The following SH3GL2 variants were observed in gnomAD, a reference collection of about 807,000 sequenced individuals.
SH3GL2 encodes endophilin-A1.
A neutral mutation model predicts 46.0 loss-of-function variants in SH3GL2; 24 were observed. The ratio of observed to expected loss-of-function variants is 0.52; its 90% CI spans 0.38 to 0.73. The LOEUF (loss-of-function observed/expected upper bound fraction) is 0.73, where lower values mean the gene tolerates loss of function less well. Among genes scored for constraint, SH3GL2 ranks in the 30% least tolerant of loss-of-function variants. The pLI is 0.00. For synonymous variants in SH3GL2, 196 were observed against 147.1 expected, an observed-to-expected ratio of 1.33 and a Z score of -2.40; for missense variants, 413 against 424.2, an observed-to-expected ratio of 0.97 and a Z score of 0.23.
chr9:17,794,051 A>C (rs1003573807), intron 8 of SH3GL2, among the ~76,000 whole-genome samples: 2 of 152,222 alleles, frequency 1.3e-5, no homozygotes, highest in African/African-American at 4.8e-5. Flanking sequence ...TTTCCTTCCC[A>C]TGCCTCACCT....
intron 1 of SH3GL2, among the ~76,000 whole-genome samples, chr9:17,744,550 A>G (rs1822625654): frequency 6.6e-6 from 1 of 151,960 alleles, no homozygotes; most frequent in Admixed American, 6.6e-5. Context: ...TTATTTTTGT[A>G]GAGACAGAGT....
chr9:17,784,074 A>G (rs560187283), intron 3 of SH3GL2, among the ~76,000 whole-genome samples: 1 of 152,300 alleles, frequency 6.6e-6, no homozygotes, highest in South Asian at 2.1e-4. Flanking sequence ...TATGTAATAA[A>G]TTTGTGAATG....
rs541592833 is a variant in SH3GL2 at position 17,646,842 on chromosome 9, G to A, written c.45+67555G>A. ...CTGGGAGATGTCTCCCCATCAGGAG[G>A]CACAGGGGTCAGGGACCCCACTTGA... On this transcript the variant is annotated intron_variant, in intron 1 of 8. Coordinates refer to ENST00000380607, the MANE Select transcript of SH3GL2 (RefSeq NM_003026.5). Among the ~76,000 whole-genome samples, 292 of 152,304 alleles carry A rather than the reference G, an allele frequency of 1.9e-3. 1 individual carries two copies. Among genetic ancestry groups the A allele is most frequent in the African/African-American group, 6.8e-3 (283 of 41,568 alleles).
intron 1 of SH3GL2, among the ~76,000 whole-genome samples, chr9:17,609,412 C>T (rs1278929567): frequency 6.6e-6 from 1 of 151,794 alleles, no homozygotes; most frequent in Non-Finnish European, 1.5e-5. Context: ...CTGAAAAGTA[C>T]AGGGGTTGCA....
chr9:17,682,821 GT>G (rs2118058530), intron 1 of SH3GL2, among the ~76,000 whole-genome samples: 1 of 152,178 alleles, frequency 6.6e-6, no homozygotes, highest in Non-Finnish European at 1.5e-5. Context: ...CATGCTCATA[GT>G]TTGCAAGTTA....
At chr9:17,689,002 A>G (rs185751173) in intron 1 of SH3GL2, among the ~76,000 whole-genome samples, 1 of 152,188 alleles carries the variant, frequency 6.6e-6, no homozygotes, top group East Asian at 1.9e-4. Context: ...GAGTCACTTT[A>G]CAGTGGAGAA....
intron 1 of SH3GL2, among the ~76,000 whole-genome samples, chr9:17,587,813 G>A (rs1042040392): frequency 1.3e-5 from 2 of 151,952 alleles, no homozygotes; most frequent in Admixed American, 1.3e-4. Flanking sequence ...TTGAACCTGG[G>A]AGGCAGAGGT....
chr9:17,687,267 T>C (rs1820943156), intron 1 of SH3GL2, among the ~76,000 whole-genome samples: 1 of 152,138 alleles, frequency 6.6e-6, no homozygotes, highest in South Asian at 2.1e-4. Flanking sequence ...ATTGAAATCA[T>C]TGGATTAGCA....
chr9:17,748,580 T>C (rs1397143875), intron 2 of SH3GL2, among the ~76,000 whole-genome samples: 1 of 152,106 alleles, frequency 6.6e-6, no homozygotes, highest in Non-Finnish European at 1.5e-5. Flanking sequence ...AAAAAAATCC[T>C]AGGTACTTTC....
intron 1 of SH3GL2, among the ~76,000 whole-genome samples, chr9:17,622,632 T>G (rs1386698950): frequency 6.6e-6 from 1 of 152,184 alleles, no homozygotes; most frequent in Non-Finnish European, 1.5e-5. Flanking sequence ...GGAAGAATAT[T>G]AATTGGGATT....
chr9:17,640,790 A>G (rs1041416718), intron 1 of SH3GL2, among the ~76,000 whole-genome samples: 1 of 152,246 alleles, frequency 6.6e-6, no homozygotes, highest in Non-Finnish European at 1.5e-5. Context: ...TGTCCTTGAA[A>G]TGGAGACTGT....
chr9:17,623,911 G>C (rs1819216301), intron 1 of SH3GL2, among the ~76,000 whole-genome samples: 1 of 152,068 alleles, frequency 6.6e-6, no homozygotes, highest in South Asian at 2.1e-4. Flanking sequence ...TAAAAAATCA[G>C]ATCTAATATT....
chr9:17,690,731 G>A (rs1483002448), intron 1 of SH3GL2, among the ~76,000 whole-genome samples: 1 of 152,066 alleles, frequency 6.6e-6, no homozygotes, highest in Non-Finnish European at 1.5e-5. Context: ...AACATGAAAA[G>A]TGCCGGGTAC....
intron 1 of SH3GL2, among the ~76,000 whole-genome samples, chr9:17,728,363 G>C (rs1360342624): frequency 6.6e-6 from 1 of 152,094 alleles, no homozygotes; most frequent in African/African-American, 2.4e-5. Flanking sequence ...ATTATTTTGT[G>C]CTTCATAATA....
chr9:17,758,595 A>T (rs1374569824), intron 2 of SH3GL2, among the ~76,000 whole-genome samples: 1 of 145,788 alleles, frequency 6.9e-6, no homozygotes, highest in African/African-American at 2.5e-5. Context: ...AAAAAAAAAA[A>T]TTGCAGTCAG....
At chr9:17,638,164 A>AC in intron 1 of SH3GL2, among the ~76,000 whole-genome samples, 1 of 151,446 alleles carries the variant, frequency 6.6e-6, no homozygotes, top group East Asian at 1.9e-4. Flanking sequence ...CTCAAAAAAA[A>AC]AACAAAAAAA....
chr9:17,624,297 T>G (rs1819227207), intron 1 of SH3GL2, among the ~76,000 whole-genome samples: 1 of 152,168 alleles, frequency 6.6e-6, no homozygotes, highest in Non-Finnish European at 1.5e-5. Context: ...ATTATTGTTT[T>G]CTCTTTCTTC....
intron 1 of SH3GL2, among the ~76,000 whole-genome samples, chr9:17,591,752 T>G (rs1322711361): frequency 1.3e-5 from 2 of 152,196 alleles, no homozygotes; most frequent in Non-Finnish European, 2.9e-5. Context: ...ATATAAAGCC[T>G]GGAACATTGC....
chr9:17,772,144 A>G (rs1300837927), intron 3 of SH3GL2, among the ~76,000 whole-genome samples: 1 of 152,192 alleles, frequency 6.6e-6, no homozygotes, highest in Non-Finnish European at 1.5e-5. Flanking sequence ...ATAATATGCA[A>G]TAATCACATG....
Sources: allele counts gnomAD v4.1 joint callset (sites outside exome capture counted in the v4.1 genomes callset), GRCh38; gene constraint gnomAD v4.1.1; transcripts MANE v1.5; gene names NCBI Gene and HGNC (gene_info 2026-07-23, HGNC 2026-07-21).